The following EVC2 variants were observed in gnomAD, a reference collection of about 807,000 sequenced individuals.
EVC2 encodes the protein EvC ciliary complex subunit 2.
Under a neutral mutation model 149.3 loss-of-function variants are expected in EVC2, and 148 were observed. The ratio of observed to expected loss-of-function variants is 0.99; its 90% confidence interval spans 0.87 to 1.14. The LOEUF (loss-of-function observed/expected upper bound fraction) is 1.14. EVC2 is among the 50% of genes most tolerant of loss of function. The pLI is 0.00. For synonymous variants in EVC2, 776 were observed against 649.9 expected (o/e 1.19, Z -2.95); for missense variants, 1,854 against 1,627.3 (o/e 1.14, Z -2.40).
At chr4:5,535,743 CA>C in the EVC2 span, among the ~76,000 whole-genome samples, 1 of 152,164 alleles carries the variant, frequency 6.6e-6, no homozygotes, top group Admixed American at 6.5e-5. The surrounding 1 kb of genome is among the most constrained non-coding windows in gnomAD (Gnocchi z 4.7). Context: ...AGCCCCACCT[CA>C]AAATACCATC....
chr4:5,575,027 T>C (rs1722840599), intron 18 of EVC2, among the ~76,000 whole-genome samples: 1 of 152,148 alleles, frequency 6.6e-6, no homozygotes, highest in Non-Finnish European at 1.5e-5. Flanking sequence ...TAAGGAGACT[T>C]TCCTATGGCT....
At chr4:5,573,315 T>C (rs1381035166) in intron 19 of EVC2, among the ~76,000 whole-genome samples, 2 of 152,336 alleles carry the variant, frequency 1.3e-5, no homozygotes, top group South Asian at 4.1e-4. Flanking sequence ...GGTTCCAATA[T>C]AATTACCATG....
the EVC2 span, among the ~76,000 whole-genome samples, chr4:5,536,600 T>G: frequency 2.0e-5 from 3 of 152,012 alleles, no homozygotes; most frequent in Non-Finnish European, 4.4e-5. Flanking sequence ...TTGGCTAACA[T>G]GGTGAAACCC....
chr4:5,625,404 T>C lies in EVC2; in HGVS notation c.2046+345A>G, dbSNP rs1195265643. 1.3e-5 allele frequency among the ~76,000 whole-genome samples: 2 copies of C among 152,086 alleles called. No individual in the cohort carries two copies. Among genetic ancestry groups the C allele is most frequent in the Non-Finnish European group, 1.5e-5 (1 of 68,012 alleles). On this transcript the variant is annotated intron_variant, in intron 13 of 21. Coordinates refer to ENST00000344408, the MANE Select transcript of EVC2 (RefSeq NM_147127.5). The surrounding 1 kb of genome is among the most constrained non-coding windows in gnomAD (Gnocchi z 4.0). ...TATACAGATTAAACAAGATATCTTA[T>C]ATAACACACTTAGCACAGTGCTAAG...
chr4:5,538,732 C>A (rs1489176755), downstream of EVC2, among the ~76,000 whole-genome samples: 1 of 152,038 alleles, frequency 6.6e-6, no homozygotes, highest in Non-Finnish European at 1.5e-5. Context: ...AATATATGGC[C>A]ATCTCAATGG....
At chr4:5,571,175 G>C (rs139713780) in intron 19 of EVC2, among the ~76,000 whole-genome samples, 2 of 151,786 alleles carry the variant, frequency 1.3e-5, no homozygotes, top group African/African-American at 4.8e-5. Flanking sequence ...AAAATTAGCC[G>C]GGCGTGGTGG....
Position 5,602,263 on chromosome 4 carries a change from C to A in EVC2, c.2829+13159G>T, listed in dbSNP as rs370760906. ...TATGACTGTGCCACTGCACTCAACC[C>A]TGAGCTACAGAGCAAGACATTGCCT... On this transcript the variant is annotated intron_variant, in intron 16 of 21. Coordinates refer to ENST00000344408, the MANE Select transcript of EVC2 (RefSeq NM_147127.5). 2.1e-4 allele frequency among the ~76,000 whole-genome samples: 31 copies of A among 144,940 alleles called. No individual in the cohort carries two copies. In the East Asian group the frequency reaches 5.4e-3, roughly 25 times the overall value.
At chr4:5,585,430 T>C (rs1451796188) in intron 16 of EVC2, among the ~76,000 whole-genome samples, 1 of 152,240 alleles carries the variant, frequency 6.6e-6, no homozygotes, top group Non-Finnish European at 1.5e-5. Context: ...GCGGTCTCAC[T>C]TCTCTATGTT....
At chr4:5,656,641 A>G (rs999990263) in intron 9 of EVC2, among the ~76,000 whole-genome samples, 1 of 152,162 alleles carries the variant, frequency 6.6e-6, no homozygotes, top group African/African-American at 2.4e-5. Flanking sequence ...GTTGGCCACA[A>G]GCCAAGAAGT....
chr4:5,647,986 A>G (rs1717847963), intron 9 of EVC2, among the ~76,000 whole-genome samples: 1 of 152,208 alleles, frequency 6.6e-6, no homozygotes, highest in African/African-American at 2.4e-5. Context: ...GAAGCCGGAA[A>G]AGGCCAGGAA....
At chr4:5,663,439 C>A (rs1577223664) in intron 8 of EVC2, among the ~76,000 whole-genome samples, 193 bp from the exon 9 acceptor site, 1 of 152,180 alleles carries the variant, frequency 6.6e-6, no homozygotes, top group South Asian at 2.1e-4. Context: ...GAAATGGGAT[C>A]ATAATTCTAC....
chr4:5,671,202 T>C (rs1014739625), intron 7 of EVC2, among the ~76,000 whole-genome samples: 2 of 152,204 alleles, frequency 1.3e-5, no homozygotes, highest in Non-Finnish European at 2.9e-5. Context: ...AGGTCACAGA[T>C]AGAGTAAGTA....
chr4:5,699,775 A>G (rs531090226), intron 1 of EVC2, among the ~76,000 whole-genome samples: 1 of 152,086 alleles, frequency 6.6e-6, no homozygotes, highest in Non-Finnish European at 1.5e-5. Flanking sequence ...GTGAGCTATG[A>G]TCATGCCACT....
chr4:5,694,614 T>C, intron 2 of EVC2, 113 bp from the exon 3 acceptor site: 3 of 1,217,708 alleles, frequency 2.5e-6, no homozygotes, highest in Non-Finnish European at 2.4e-6. Flanking sequence ...AAGACGTTTG[T>C]TGGGTAAGTA....
At chr4:5,605,366 A>G (rs1714306111) in intron 16 of EVC2, among the ~76,000 whole-genome samples, 1 of 152,096 alleles carries the variant, frequency 6.6e-6, no homozygotes, top group South Asian at 2.1e-4. Flanking sequence ...AGCCTCTGAA[A>G]TCTTGATTTT....
chr4:5,638,471 C>A (rs892721785), intron 10 of EVC2, among the ~76,000 whole-genome samples: 9 of 151,902 alleles, frequency 5.9e-5, no homozygotes, highest in Admixed American at 5.2e-4. Flanking sequence ...GCTGAATCAC[C>A]GAACAGTGCA....
intron 17 of EVC2, among the ~76,000 whole-genome samples, chr4:5,580,514 G>A (rs2108783336): frequency 6.6e-6 from 1 of 152,292 alleles, no homozygotes; most frequent in Non-Finnish European, 1.5e-5. Flanking sequence ...TGTGTTTTAG[G>A]GCTGTACTGA....
At chr4:5,609,971 T>G (rs759506982) in intron 16 of EVC2, among the ~76,000 whole-genome samples, 1 of 152,172 alleles carries the variant, frequency 6.6e-6, no homozygotes, top group Non-Finnish European at 1.5e-5. Flanking sequence ...GGGTAAAGCA[T>G]GTAATGAACA....
chr4:5,617,494 C>T (rs4282111), intron 15 of EVC2, among the ~76,000 whole-genome samples: 18,623 of 152,186 alleles, frequency 0.12, 2,306 homozygotes, highest in African/African-American at 0.32. Flanking sequence ...GCACCTACTA[C>T]GCACTTAGCA....
Sources: allele counts gnomAD v4.1 joint callset (sites outside exome capture counted in the v4.1 genomes callset), GRCh38; gene constraint gnomAD v4.1.1; non-coding constraint Gnocchi (gnomAD v3.1); transcripts MANE v1.5; gene names NCBI Gene and HGNC (gene_info 2026-07-23, HGNC 2026-07-21).